Variants in RALGAPA2 observed in about 807,000 individuals in gnomAD.
RALGAPA2 encodes the protein ral GTPase-activating protein subunit alpha-2.
Under a neutral mutation model 230.4 loss-of-function variants are expected in RALGAPA2, and 139 were observed. The ratio of observed to expected loss-of-function variants is 0.60; its 90% CI spans 0.53 to 0.69. The LOEUF is 0.69. Ranked by LOEUF, RALGAPA2 falls within the 30% of genes least tolerant of loss-of-function variation. The pLI is 0.00. For missense variants in RALGAPA2, 2,163 were observed against 2,276.0 expected, an observed-to-expected ratio of 0.95 and a Z score of 1.01; for synonymous variants, 847 against 837.8, an observed-to-expected ratio of 1.01 and a Z score of -0.19.
rs1296746971 is a variant in RALGAPA2 at position 20,556,961 on chromosome 20, CA to C, written c.3157-10130del. ...TTTGTCTCCTCCACCCCCTCCTCTA[CA>C]GCTTTACAATGTTCTCTAGCAGAAG... On this transcript the variant is annotated intron_variant, in intron 23 of 39. Transcript: ENST00000202677. Among the ~76,000 whole-genome samples the C allele has an allele frequency of 6.6e-5, 10 of 152,246 alleles. No individual in the cohort carries two copies. In the East Asian group the frequency reaches 1.9e-3, roughly 29 times the overall value.
At chr20:20,661,529 A>C (rs930751491) in intron 3 of RALGAPA2, among the ~76,000 whole-genome samples, 17 of 152,222 alleles carry the variant, frequency 1.1e-4, no homozygotes, top group African/African-American at 4.1e-4. Flanking sequence ...AAAGATAGTT[A>C]TTGGAATGAA....
chr20:20,631,353 G>A (rs1017841568), intron 9 of RALGAPA2, among the ~76,000 whole-genome samples: 3 of 152,322 alleles, frequency 2.0e-5, no homozygotes, highest in Non-Finnish European at 4.4e-5. Context: ...CAGAATCTGC[G>A]AATGTGTTAC....
Position 20,586,809 on chromosome 20 carries a change from T to C in RALGAPA2, c.2440-1854A>G, listed in dbSNP as rs190641673. ...CCAGGAAACACCAAGCCAATGAGAA[T>C]AGAAAATATAAAAAACATTTAAGAG... On this transcript the variant is annotated intron_variant, in intron 18 of 39. Coordinates refer to ENST00000202677, the MANE Select transcript of RALGAPA2 (RefSeq NM_020343.4). Among the ~76,000 whole-genome samples, 534 of 152,146 alleles carry C rather than the reference T, an allele frequency of 3.5e-3. 3 individuals carry two copies. The highest frequency in any genetic ancestry group is 6.2e-3 in the Non-Finnish European group (424 of 67,988).
intron 37 of RALGAPA2, among the ~76,000 whole-genome samples, chr20:20,463,188 A>C (rs2061342699): frequency 6.7e-6 from 1 of 150,188 alleles, no homozygotes; most frequent in Admixed American, 6.6e-5. Flanking sequence ...TGTAGGATTC[A>C]GTTTTTTTTT....
At chr20:20,640,636 G>GT in intron 6 of RALGAPA2, 65 bp downstream of exon 6, 7 of 1,448,382 alleles carry the variant, frequency 4.8e-6, no homozygotes, top group Non-Finnish European at 4.7e-6. Flanking sequence ...AAATGAAAAA[G>GT]TAAGAATTCC....
intron 38 of RALGAPA2, among the ~76,000 whole-genome samples, chr20:20,397,019 G>A (rs1259405450): frequency 1.3e-5 from 2 of 152,184 alleles, no homozygotes; most frequent in Non-Finnish European, 2.9e-5. Context: ...ACCTTGTCAG[G>A]AGCCCTACAG....
chr20:20,652,847 T>C (rs1307515302), intron 4 of RALGAPA2, among the ~76,000 whole-genome samples: 1 of 152,192 alleles, frequency 6.6e-6, no homozygotes, highest in East Asian at 1.9e-4. Context: ...TGCCACATCC[T>C]AAAGCATTCA....
intron 36 of RALGAPA2, among the ~76,000 whole-genome samples, 196 bp from the exon 37 acceptor site, chr20:20,473,152 C>A (rs1373841698): frequency 6.6e-6 from 1 of 152,152 alleles, no homozygotes; most frequent in Admixed American, 6.5e-5. Context: ...TGCTCCTTTA[C>A]TAGGGATTCT....
intron 10 of RALGAPA2, among the ~76,000 whole-genome samples, chr20:20,622,857 T>C (rs150809529): frequency 9.2e-5 from 14 of 152,276 alleles, no homozygotes; most frequent in Admixed American, 9.2e-4. Flanking sequence ...ACAGTGGTTC[T>C]GAAAGGGATA....
At chr20:20,671,332 C>A (rs1347229516) in intron 3 of RALGAPA2, among the ~76,000 whole-genome samples, 2 of 152,200 alleles carry the variant, frequency 1.3e-5, no homozygotes, top group East Asian at 1.9e-4. Flanking sequence ...TTCTTCCAAG[C>A]CATTTCTTAT....
At chr20:20,699,985 T>C (rs542381312) in intron 1 of RALGAPA2, among the ~76,000 whole-genome samples, 1 of 152,106 alleles carries the variant, frequency 6.6e-6, no homozygotes, top group South Asian at 2.1e-4. Flanking sequence ...TAAATCATTC[T>C]ACCAAAAAAA....
chr20:20,634,442 G>A (rs1486306474), intron 9 of RALGAPA2, among the ~76,000 whole-genome samples: 1 of 151,992 alleles, frequency 6.6e-6, no homozygotes, highest in Admixed American at 6.6e-5. Flanking sequence ...TGTTCTTACT[G>A]TAACTGCACC....
intron 37 of RALGAPA2, among the ~76,000 whole-genome samples, chr20:20,425,735 A>T (rs2060369101): frequency 6.6e-6 from 1 of 152,210 alleles, no homozygotes; most frequent in Non-Finnish European, 1.5e-5. Context: ...CCCACACTTG[A>T]AACTCAATAC....
intron 37 of RALGAPA2, 56 bp downstream of exon 37, chr20:20,472,773 C>T (rs777548982): frequency 6.4e-7 from 1 of 1,551,778 alleles, no homozygotes; most frequent in South Asian, 1.2e-5. Context: ...GAAAAACTGC[C>T]AGGAATCTTG....
At chr20:20,562,290 G>A (rs934207777) in intron 23 of RALGAPA2, among the ~76,000 whole-genome samples, 3 of 151,986 alleles carry the variant, frequency 2.0e-5, no homozygotes, top group African/African-American at 4.8e-5. Flanking sequence ...AAAAGATTCC[G>A]GTGATCTGGG....
chr20:20,437,922 G>A lies in RALGAPA2; in HGVS notation c.5496-25774C>T, dbSNP rs76404536. Among the ~76,000 whole-genome samples, 172 of 152,266 alleles carry A rather than the reference G, an allele frequency of 1.1e-3. 1 individual carries two copies. Among genetic ancestry groups the A allele is most frequent in the African/African-American group, 3.9e-3 (161 of 41,552 alleles). On this transcript the variant is annotated intron_variant, in intron 37 of 39. Coordinates refer to ENST00000202677, the MANE Select transcript of RALGAPA2 (RefSeq NM_020343.4). This position sits in a 1 kb window ranked among gnomAD's most constrained non-coding sequence, Gnocchi z 4.1. Reference sequence around the variant, plus strand: ...AGAGTCTCAGAAACCACTCTCGCAGGCTAGCTGGCTGAAGGAACAACACTG... The same window carrying A: ...AGAGTCTCAGAAACCACTCTCGCAGACTAGCTGGCTGAAGGAACAACACTG...
At position 20,481,187 on chromosome 20, in the gene RALGAPA2, A is replaced by G. The variant is rs1005998317; in HGVS notation, c.5368-8231T>C. On this transcript the variant is annotated intron_variant, in intron 36 of 39. Transcript: ENST00000202677. Reference sequence around the variant, plus strand: ...AGTCCACGTGGCAACACTAGCCAGCATGCCAGCACAAGGAAGTGCCCAGTT... The same window carrying G: ...AGTCCACGTGGCAACACTAGCCAGCGTGCCAGCACAAGGAAGTGCCCAGTT... 2.0e-5 allele frequency among the ~76,000 whole-genome samples: 3 copies of G among 152,262 alleles called. No individual in the cohort carries two copies. The East Asian group carries it at 5.8e-4, about 29-fold the overall frequency.
chr20:20,552,276 G>A (rs1344558738), intron 23 of RALGAPA2, among the ~76,000 whole-genome samples: 3 of 152,054 alleles, frequency 2.0e-5, no homozygotes, highest in South Asian at 2.1e-4. Context: ...GTGGACTTGC[G>A]CCTGCTTCTC....
chr20:20,449,713 T>C (rs1384576508), intron 37 of RALGAPA2, among the ~76,000 whole-genome samples: 2 of 152,214 alleles, frequency 1.3e-5, no homozygotes, highest in African/African-American at 4.8e-5. Flanking sequence ...TCCAAAGATA[T>C]CTTTTGAACT....
Sources: gnomAD v4.1 joint callset for allele counts (sites outside exome capture counted in the v4.1 genomes callset) on GRCh38, gnomAD v4.1.1 for gene constraint, Gnocchi (gnomAD v3.1) non-coding constraint, MANE v1.5 for transcripts, NCBI Gene and HGNC (gene_info 2026-07-23, HGNC 2026-07-21) for gene names.